SDCCAG8: variants seen among roughly 807,000 people sequenced by gnomAD.
The protein encoded by SDCCAG8 is SHH signaling and ciliogenesis regulator SDCCAG8.
A neutral mutation model predicts 101.8 loss-of-function variants in SDCCAG8; 74 were observed. That is an observed-to-expected ratio of 0.73 (90% CI 0.60 to 0.88). SDCCAG8 has a LOEUF of 0.88. SDCCAG8 is among the 40% of genes least tolerant of loss of function. The pLI is 0.00. For synonymous variants in SDCCAG8, 281 were observed against 292.9 expected (o/e 0.96, Z 0.41); for missense variants, 787 against 822.6 (o/e 0.96, Z 0.53).
chr1:243,354,166 C>T (rs1412542083), intron 12 of SDCCAG8, among the ~76,000 whole-genome samples: 1 of 152,176 alleles, frequency 6.6e-6, no homozygotes. Flanking sequence ...GAAGCTTGGA[C>T]AAGTGGTAGC....
At chr1:243,267,765 C>G in intron 1 of SDCCAG8, 1 of 803,418 alleles carries the variant, frequency 1.2e-6, no homozygotes, top group Non-Finnish European at 2.3e-6. Flanking sequence ...CTTAGAGCCA[C>G]TCAATACTTC....
chr1:243,281,457 A>G (rs566295053), intron 4 of SDCCAG8, among the ~76,000 whole-genome samples: 83 of 151,686 alleles, frequency 5.5e-4, no homozygotes, highest in African/African-American at 1.9e-3. Context: ...CTTGTAGACA[A>G]CATATAGTTT....
intron 3 of SDCCAG8, among the ~76,000 whole-genome samples, chr1:243,273,011 T>C (rs563699742): frequency 1.3e-5 from 2 of 152,348 alleles, no homozygotes; most frequent in East Asian, 3.9e-4. Flanking sequence ...GAGCTTTTTA[T>C]TTTTCACATT....
At chr1:243,302,837 A>T (rs944958540) in intron 6 of SDCCAG8, among the ~76,000 whole-genome samples, 2 of 152,116 alleles carry the variant, frequency 1.3e-5, no homozygotes, top group African/African-American at 4.8e-5. Flanking sequence ...TTTCAACACA[A>T]TGGAAGAGAA....
intron 16 of SDCCAG8, among the ~76,000 whole-genome samples, chr1:243,480,723 GGGA>G (rs1558528084): frequency 7.8e-6 from 1 of 128,782 alleles, no homozygotes; most frequent in Non-Finnish European, 1.6e-5. Flanking sequence ...ATGGATGGGT[GGGA>G]TGGATGAATG....
Position 243,499,968 on chromosome 1 carries a change from T to G in SDCCAG8, c.*183T>G, listed in dbSNP as rs1669093224. On this transcript the variant is annotated 3_prime_UTR_variant, in exon 18 of 18. Transcript: ENST00000366541. Reference sequence around the variant, plus strand: ...ACGCAGTCGGGCTGGAGCTGGAGTCTGACTCTAGCTGAGCAGAGCTCCTGG... The same window carrying G: ...ACGCAGTCGGGCTGGAGCTGGAGTCGGACTCTAGCTGAGCAGAGCTCCTGG... 16 of 647,854 alleles carry G rather than the reference T, an allele frequency of 2.5e-5. No homozygotes were observed. The South Asian group carries it at 2.8e-4, about 11-fold the overall frequency. 40.1% of individuals were successfully genotyped at this position (647,854 alleles called of 1,614,324 possible). A position where few individuals can be genotyped will look rare whatever the true frequency, so the allele number is the denominator to read the frequency against.
intron 13 of SDCCAG8, among the ~76,000 whole-genome samples, chr1:243,393,095 GA>G (rs1433597033): frequency 5.3e-5 from 8 of 152,196 alleles, no homozygotes; most frequent in Non-Finnish European, 1.2e-4. Flanking sequence ...GAAGCAAACT[GA>G]ATCAGTGGGA....
intron 13 of SDCCAG8, among the ~76,000 whole-genome samples, chr1:243,390,044 A>T (rs2078607349): frequency 6.6e-6 from 1 of 152,244 alleles, no homozygotes; most frequent in Non-Finnish European, 1.5e-5. Flanking sequence ...TCATCTTAAG[A>T]TAACAACAAG....
In SDCCAG8 at chr1:243,480,791, GGGAT is replaced by G. The variant is rs768014106; in HGVS notation, c.1986-8204_1986-8201del. The stretch of plus-strand genomic sequence containing the variant: ...GGATGGGTGGGATGGATGGATGGGT[GGGAT>G]GGATGGATGGATGGATGGGTGGGAT... On this transcript the variant is annotated intron_variant, in intron 16 of 17. Transcript: ENST00000366541. Among the ~76,000 whole-genome samples the G allele has an allele frequency of 2.1e-3, 127 of 59,242 alleles. 1 individual carries two copies. The highest frequency in any genetic ancestry group is 4.4e-3 in the Admixed American group (26 of 5,880). 38.9% of individuals were successfully genotyped at this position (59,242 alleles called of 152,430 possible).
intron 16 of SDCCAG8, among the ~76,000 whole-genome samples, chr1:243,448,110 G>A (rs973787851): frequency 6.6e-6 from 1 of 152,176 alleles, no homozygotes; most frequent in Non-Finnish European, 1.5e-5. Context: ...TGTAGCTGCT[G>A]CAGGCACCCG....
chr1:243,386,796 A>G (rs2078333534), intron 13 of SDCCAG8, among the ~76,000 whole-genome samples: 1 of 152,156 alleles, frequency 6.6e-6, no homozygotes, highest in African/African-American at 2.4e-5. Flanking sequence ...AGAGAAAGAA[A>G]GAAAGGAAAG....
intron 13 of SDCCAG8, among the ~76,000 whole-genome samples, chr1:243,382,696 T>C (rs562977328): frequency 6.6e-6 from 1 of 152,222 alleles, no homozygotes; most frequent in South Asian, 2.1e-4. Context: ...TTGAAGAGCT[T>C]TGTGAAAAAT....
intron 16 of SDCCAG8, among the ~76,000 whole-genome samples, chr1:243,466,222 T>G (rs1558507029): frequency 6.6e-6 from 1 of 152,242 alleles, no homozygotes; most frequent in Non-Finnish European, 1.5e-5. Context: ...TATATCAATA[T>G]TTGATTTATT....
At chr1:243,495,385 A>G (rs1667554372) in intron 17 of SDCCAG8, among the ~76,000 whole-genome samples, 1 of 152,216 alleles carries the variant, frequency 6.6e-6, no homozygotes, top group Non-Finnish European at 1.5e-5. Flanking sequence ...CTCGGAGCCC[A>G]GAAGCAGCAA....
chr1:243,297,354 GTTTGCAGC>G, intron 6 of SDCCAG8, among the ~76,000 whole-genome samples: 1 of 152,320 alleles, frequency 6.6e-6, no homozygotes, highest in African/African-American at 2.4e-5. Flanking sequence ...GTTGTTTCCA[GTTTGCAGC>G]TATTGTGAGC....
At chr1:243,349,309 G>C (rs1056916410) in intron 12 of SDCCAG8, among the ~76,000 whole-genome samples, 5 of 152,150 alleles carry the variant, frequency 3.3e-5, no homozygotes, top group Admixed American at 1.3e-4. Context: ...AGTCTGGCCT[G>C]CTGTCTATGT....
rs570372173 is a variant in SDCCAG8 at position 243,405,347 on chromosome 1, T to TA, written c.1617-10348dup. ...AAAAGGAAAAAAATTAAAAACAAAA[T>TA]AAAAAAACATGGCAGCAAATCACAG... On this transcript the variant is annotated intron_variant, in intron 13 of 17. Transcript: ENST00000366541. Among the ~76,000 whole-genome samples, 252 of 152,098 alleles carry TA rather than the reference T, an allele frequency of 1.7e-3. 2 individuals carry two copies. The highest frequency in any genetic ancestry group is 6.8e-3 in the Middle Eastern group (2 of 294).
chr1:243,485,502 A>G (rs1393493950), intron 16 of SDCCAG8, among the ~76,000 whole-genome samples: 3 of 152,212 alleles, frequency 2.0e-5, no homozygotes, highest in Admixed American at 2.0e-4. Flanking sequence ...TTATGTGTCT[A>G]GGACACCCCA....
intron 13 of SDCCAG8, among the ~76,000 whole-genome samples, chr1:243,389,995 T>C (rs890061585): frequency 6.6e-6 from 1 of 152,206 alleles, no homozygotes; most frequent in South Asian, 2.1e-4. Flanking sequence ...CCTTTGCTCT[T>C]TATTATTGGG....
Sources: allele counts gnomAD v4.1 joint callset (sites outside exome capture counted in the v4.1 genomes callset), GRCh38; gene constraint gnomAD v4.1.1; transcripts MANE v1.5; gene names NCBI Gene and HGNC (gene_info 2026-07-23, HGNC 2026-07-21).